The following RASA2 variants were observed in gnomAD, a reference collection of about 807,000 sequenced individuals.
RASA2 encodes ras GTPase-activating protein 2.
RASA2 carries 155 observed loss-of-function variants against 118.2 expected under a neutral mutation model. The observed-to-expected ratio is 1.31, with a 90% CI of 1.15 to 1.50. RASA2 has a LOEUF of 1.50. Among genes scored for constraint, RASA2 ranks in the 40% most tolerant of loss-of-function variants. The pLI, the probability that RASA2 is intolerant of heterozygous loss-of-function variation, is 0.00. For missense variants in RASA2, 1,016 were observed against 1,009.6 expected (o/e 1.01, Z -0.09); for synonymous variants, 353 against 349.1 (o/e 1.01, Z -0.12).
intron 1 of RASA2, among the ~76,000 whole-genome samples, chr3:141,499,323 C>T (rs1234381409): frequency 6.6e-6 from 1 of 152,148 alleles, no homozygotes; most frequent in African/African-American, 2.4e-5. Flanking sequence ...ATATATAGTT[C>T]AGGTTTTATA....
At chr3:141,516,963 A>G (rs1242278043) in intron 3 of RASA2, among the ~76,000 whole-genome samples, 1 of 151,826 alleles carries the variant, frequency 6.6e-6, no homozygotes, top group Admixed American at 6.6e-5. Context: ...TAGTAGAAAC[A>G]GGGTTTCACC....
At chr3:141,520,722 A>G (rs1000425502) in intron 3 of RASA2, among the ~76,000 whole-genome samples, 1 of 152,214 alleles carries the variant, frequency 6.6e-6, no homozygotes, top group Non-Finnish European at 1.5e-5. Context: ...TTATATACAC[A>G]CGCAGATATT....
At chr3:141,535,776 C>T (rs778042124) in intron 4 of RASA2, among the ~76,000 whole-genome samples, 7 of 152,126 alleles carry the variant, frequency 4.6e-5, no homozygotes, top group South Asian at 2.1e-4. Flanking sequence ...CTAAGCAAGA[C>T]GCACTTATCA....
At chr3:141,517,547 A>G (rs1170907258) in intron 3 of RASA2, among the ~76,000 whole-genome samples, 2 of 152,234 alleles carry the variant, frequency 1.3e-5, no homozygotes, top group Non-Finnish European at 2.9e-5. Context: ...GTCTGCCCCC[A>G]TGATTCAGTC....
rs866509836 is a variant in RASA2, at chr3:141,580,083, A to T, written c.1591-285A>T. Among the ~76,000 whole-genome samples, 740 of 81,986 alleles carry T rather than the reference A, an allele frequency of 9.0e-3. 3 individuals are homozygous for T. Among genetic ancestry groups the T allele is most frequent in the African/African-American group, 0.013 (248 of 19,492 alleles). The allele number at this position is 81,986 out of a possible 152,430, so 53.8% of individuals were successfully genotyped here. A position where few individuals can be genotyped will look rare whatever the true frequency, so the allele number is the denominator to read the frequency against. ...GAAAAAAAAAAGAAAAAAAAAAAAA[A>T]AAATATATATATATATATATATATA... On this transcript the variant is annotated intron_variant, in intron 15 of 23. Coordinates refer to ENST00000286364, the MANE Select transcript of RASA2 (RefSeq NM_006506.5).
At chr3:141,581,577 A>G (rs1188685904) in intron 17 of RASA2, among the ~76,000 whole-genome samples, 1 of 152,134 alleles carries the variant, frequency 6.6e-6, no homozygotes, top group Non-Finnish European at 1.5e-5. Context: ...ACAGCCAAAC[A>G]TGCCTCCAGG....
intron 19 of RASA2, 25 bp from the exon 20 acceptor site, chr3:141,607,653 T>C: frequency 6.4e-7 from 1 of 1,552,868 alleles, no homozygotes. Context: ...TACTTTAATT[T>C]TGTTTTACTT....
chr3:141,539,936 G>T (rs1269000404), intron 4 of RASA2, among the ~76,000 whole-genome samples: 1 of 151,678 alleles, frequency 6.6e-6, no homozygotes, highest in African/African-American at 2.4e-5. Context: ...TTTGTTTATT[G>T]TCTTCCCAAC....
chr3:141,537,465 C>A (rs914813630), intron 4 of RASA2, among the ~76,000 whole-genome samples: 1 of 151,946 alleles, frequency 6.6e-6, no homozygotes, highest in Non-Finnish European at 1.5e-5. Context: ...TGTTTTATGT[C>A]TTTTAAAAAA....
At chr3:141,544,649 C>A (rs947977176) in intron 5 of RASA2, among the ~76,000 whole-genome samples, 4 of 152,100 alleles carry the variant, frequency 2.6e-5, no homozygotes, top group African/African-American at 7.2e-5. Flanking sequence ...GTGAGAGTTT[C>A]TTTTGCAGAG....
At chr3:141,560,768 G>A (rs748839364) in intron 9 of RASA2, among the ~76,000 whole-genome samples, 12 of 152,180 alleles carry the variant, frequency 7.9e-5, no homozygotes, top group Middle Eastern at 3.4e-3. Context: ...GGGTATAAAT[G>A]AACATGCCTT....
chr3:141,569,858 C>G (rs1036906271), intron 9 of RASA2, among the ~76,000 whole-genome samples: 2 of 152,044 alleles, frequency 1.3e-5, no homozygotes, highest in Admixed American at 6.5e-5. Flanking sequence ...GTGTTCAGCT[C>G]CCACTTACAA....
chr3:141,490,420 T>C (rs1408468687), intron 1 of RASA2, among the ~76,000 whole-genome samples: 1 of 151,912 alleles, frequency 6.6e-6, no homozygotes, highest in Admixed American at 6.6e-5. Flanking sequence ...GGCTTCATGC[T>C]GTTATTTGGT....
intron 15 of RASA2, chr3:141,578,622 A>T (rs1266970129): frequency 6.6e-6 from 1 of 152,194 alleles, no homozygotes; most frequent in African/African-American, 2.4e-5. Flanking sequence ...CCCAGCAGAG[A>T]GTGGGCCAGT....
rs112390203 is a variant in RASA2, at chr3:141,600,234, T to C, written c.1934-7444T>C. 8.2e-3 allele frequency: 4,030 copies of C among 492,936 alleles called. 160 individuals are homozygous for C. The highest frequency in any genetic ancestry group is 0.073 in the African/African-American group (3,664 of 50,120). 30.5% of individuals were successfully genotyped at this position (492,936 alleles called of 1,614,324 possible). ...GAATGGAGATGTGTAAAAAGGTTTC[T>C]TGAAGGAAAGAAGGAGGACACCCTG... is the stretch of plus-strand genomic sequence containing the variant. On this transcript the variant is annotated intron_variant, in intron 19 of 23. Coordinates refer to ENST00000286364, the MANE Select transcript of RASA2 (RefSeq NM_006506.5).
intron 19 of RASA2, among the ~76,000 whole-genome samples, chr3:141,597,942 C>G (rs2083400659): frequency 6.6e-6 from 1 of 152,070 alleles, no homozygotes; most frequent in African/African-American, 2.4e-5. Context: ...AACTTTATAT[C>G]AATAAATTTG....
chr3:141,515,450 C>T (rs1452955194), intron 2 of RASA2, among the ~76,000 whole-genome samples: 2 of 152,132 alleles, frequency 1.3e-5, no homozygotes, highest in African/African-American at 4.8e-5. Flanking sequence ...TGCTGAAAAG[C>T]TATTTGTTCA....
At chr3:141,541,400 AAT>A (rs1344133780) in intron 5 of RASA2, among the ~76,000 whole-genome samples, 1 of 152,022 alleles carries the variant, frequency 6.6e-6, no homozygotes, top group Non-Finnish European at 1.5e-5. Flanking sequence ...TCTGTATATA[AAT>A]ATGTCTGTTT....
rs375835826 is a variant in RASA2, at chr3:141,522,909, CTT to C, written c.355+6480_355+6481del. Among the ~76,000 whole-genome samples, 484 of 152,168 alleles carry C rather than the reference CTT, an allele frequency of 3.2e-3. 4 individuals are homozygous for C. The highest frequency in any genetic ancestry group is 0.01 in the African/African-American group (423 of 41,516). ...CTGGTAGTTTCAGTCTGAAGTATCACTTTCTCCATTTTTATTCCTGAGTTTTC... is the reference window on the plus strand; with the variant it reads ...CTGGTAGTTTCAGTCTGAAGTATCACTCTCCATTTTTATTCCTGAGTTTTC... On this transcript the variant is annotated intron_variant, in intron 3 of 23. Transcript: ENST00000286364.
Sources: allele counts gnomAD v4.1 joint callset (sites outside exome capture counted in the v4.1 genomes callset), GRCh38; gene constraint gnomAD v4.1.1; transcripts MANE v1.5; gene names NCBI Gene and HGNC (gene_info 2026-07-23, HGNC 2026-07-21).